RAB37: variants seen among roughly 807,000 people sequenced by gnomAD.
RAB37 encodes the protein ras-related protein Rab-37.
In RAB37, 29 loss-of-function variants were observed where a neutral mutation model predicts 33.1. The observed-to-expected ratio is 0.88, with a 90% CI of 0.65 to 1.20. RAB37 has a LOEUF of 1.20. Ranked by LOEUF, RAB37 falls within the 50% of genes most tolerant of loss-of-function variation. The pLI is 0.00. For missense variants in RAB37, 299 were observed against 301.1 expected (o/e 0.99, Z 0.05); for synonymous variants, 128 against 119.5 (o/e 1.07, Z -0.47).
At chr17:74,714,192 C>T (rs2034120223) in intron 1 of RAB37, among the ~76,000 whole-genome samples, 1 of 151,978 alleles carries the variant, frequency 6.6e-6, no homozygotes. Context: ...ACCTAGGCAA[C>T]AGAGCAAGAC....
chr17:74,714,201 A>C (rs1408394228), intron 1 of RAB37, among the ~76,000 whole-genome samples: 1 of 151,870 alleles, frequency 6.6e-6, no homozygotes, highest in African/African-American at 2.4e-5. Context: ...ACAGAGCAAG[A>C]CTCTGTCTCA....
chr17:74,721,099 G>A (rs1363024505), intron 1 of RAB37, among the ~76,000 whole-genome samples: 1 of 152,194 alleles, frequency 6.6e-6, no homozygotes, highest in African/African-American at 2.4e-5. Flanking sequence ...TCTGCCAAGA[G>A]CTTTTTATGG....
chr17:74,710,462 T>C (rs2033862989), intron 1 of RAB37, among the ~76,000 whole-genome samples: 1 of 152,122 alleles, frequency 6.6e-6, no homozygotes, highest in South Asian at 2.1e-4. Context: ...TGCTAATAAA[T>C]AGTTGGAAAG....
intron 1 of RAB37, among the ~76,000 whole-genome samples, chr17:74,699,947 C>T (rs910533621): frequency 6.6e-6 from 1 of 151,906 alleles, no homozygotes; most frequent in African/African-American, 2.4e-5. Flanking sequence ...TCAAGACCAG[C>T]CTGACCAACA....
upstream of RAB37, chr17:74,736,609 CT>C: frequency 6.5e-7 from 1 of 1,533,198 alleles, no homozygotes; most frequent in Non-Finnish European, 8.7e-7. Flanking sequence ...AAGCTCTCCC[CT>C]GGTGGGACAT....
rs754445936 is a variant in RAB37 at position 74,742,518 on chromosome 17, G to T, written c.246+223G>T. 4.0e-4 allele frequency among the ~76,000 whole-genome samples: 61 copies of T among 152,156 alleles called. No individual in the cohort carries two copies. Among genetic ancestry groups the T allele is most frequent in the Non-Finnish European group, 7.8e-4 (53 of 68,020 alleles). ...CTCCAAATGCCTTCAGACAAGCTTA[G>T]CCTCCATCCATCTCCTCCCCAGTTG... is the stretch of plus-strand genomic sequence containing the variant. On this transcript the variant is annotated intron_variant, in intron 3 of 8. Transcript: ENST00000392613. The surrounding 1 kb of genome is among the most constrained non-coding windows in gnomAD (Gnocchi z 4.0).
chr17:74,718,563 A>G (rs919583775), intron 1 of RAB37, among the ~76,000 whole-genome samples: 1 of 152,074 alleles, frequency 6.6e-6, no homozygotes, highest in African/African-American at 2.4e-5. Context: ...AATTGGCTAG[A>G]TGTATTTGGA....
chr17:74,727,671 G>A (rs1347169406), intron 1 of RAB37, among the ~76,000 whole-genome samples: 1 of 152,234 alleles, frequency 6.6e-6, no homozygotes, highest in Non-Finnish European at 1.5e-5. Flanking sequence ...GGATGCCCCT[G>A]TGGATGGAAG....
Position 74,745,569 on chromosome 17 carries a change from T to A in RAB37, c.*158T>A. 1 of 620,364 alleles carries A rather than the reference T, an allele frequency of 1.6e-6. No homozygotes were observed. Among genetic ancestry groups the A allele is most frequent in the South Asian group, 2.0e-5 (1 of 50,680 alleles). 38.4% of individuals were successfully genotyped at this position (620,364 alleles called of 1,614,324 possible). ...AGGGAGCTATACTCCAACTCCTACT[T>A]GAGTTCCTGCGGTCTCCCCGCATCC... On this transcript the variant is annotated 3_prime_UTR_variant, in exon 9 of 9. Coordinates refer to ENST00000392613, the MANE Select transcript of RAB37 (RefSeq NM_001006638.3). The surrounding 1 kb of genome is among the most constrained non-coding windows in gnomAD (Gnocchi z 4.5).
At position 74,745,044 on chromosome 17, in the gene RAB37, A is replaced by G. The variant is rs1227060514; in HGVS notation, c.526A>G (p.Thr176Ala). ...TCCCTTCCTGGAGACCAGCGCCAAG[A>G]CTGGCATGAATGTGGAGTTAGCCTT... ...GVPFLETSAK[T>A]GMNVELAFLA... Residue 176 changes from threonine (T) to alanine (A), a missense_variant, in exon 8 of 9, where the codon ACT (threonine) becomes GCT (alanine). By Grantham distance (58) the Thr-to-Ala change is moderately conservative. Transcript: ENST00000392613. This position sits in a 1 kb window ranked among gnomAD's most constrained non-coding sequence, Gnocchi z 4.5. The G allele has an allele frequency of 1.2e-6, 2 of 1,614,234 alleles. No homozygotes were observed. The highest frequency in any genetic ancestry group is 1.7e-5 in the Admixed American group (1 of 60,034).
intron 1 of RAB37, among the ~76,000 whole-genome samples, chr17:74,719,756 T>A (rs1056884826): frequency 9.9e-5 from 15 of 152,174 alleles, no homozygotes; most frequent in Non-Finnish European, 1.9e-4. Context: ...GCTCAAGTGA[T>A]CCTCCTGCCT....
rs886201376 is a variant in RAB37, at chr17:74,676,772, G to C, written c.72+5114G>C. Among the ~76,000 whole-genome samples, 1 of 152,118 alleles carries C rather than the reference G, an allele frequency of 6.6e-6. No individual in the cohort carries two copies. Among genetic ancestry groups the C allele is most frequent in the Non-Finnish European group, 1.5e-5 (1 of 68,044 alleles). On this transcript the variant is annotated intron_variant, in intron 1 of 7. Coordinates refer to the RAB37 transcript ENST00000340415. The surrounding 1 kb of genome is among the most constrained non-coding windows in gnomAD (Gnocchi z 4.1). The stretch of plus-strand genomic sequence containing the variant: ...TCCAGAAGTGTCCTAAGAAAGATAC[G>C]GGTAGCTGCAAGGGAGTGACCCAGG...
intron 1 of RAB37, among the ~76,000 whole-genome samples, chr17:74,726,476 G>A (rs929356364): frequency 2.6e-5 from 4 of 152,166 alleles, no homozygotes; most frequent in South Asian, 4.1e-4. Flanking sequence ...TTTAAGACAC[G>A]AATGAGGGGA....
chr17:74,735,018 G>GAAAGAAAGAAAGA (rs2034449471), upstream of RAB37, among the ~76,000 whole-genome samples: 13 of 82,296 alleles, frequency 1.6e-4, no homozygotes, highest in African/African-American at 4.4e-4. Context: ...AGGAAGGAAG[G>GAAAGAAAGAAAGA]AAGAAAGAAA....
At chr17:74,728,710 T>C (rs796262239) in intron 1 of RAB37, among the ~76,000 whole-genome samples, 1 of 152,114 alleles carries the variant, frequency 6.6e-6, no homozygotes, top group African/African-American at 2.4e-5. Flanking sequence ...TGTGTGTGCA[T>C]GTGTGTTCTG....
At chr17:74,717,115 AC>A (rs1421058295) in intron 1 of RAB37, among the ~76,000 whole-genome samples, 1 of 152,116 alleles carries the variant, frequency 6.6e-6, no homozygotes, top group Non-Finnish European at 1.5e-5. Flanking sequence ...AGCCTGGGCA[AC>A]GAGAGCGAAA....
At chr17:74,728,168 ATGTCTG>A (rs1023740390) in intron 1 of RAB37, among the ~76,000 whole-genome samples, 1 of 147,426 alleles carries the variant, frequency 6.8e-6, no homozygotes, top group African/African-American at 2.5e-5. Context: ...ACATGTGTCT[ATGTCTG>A]TGTATATGCA....
rs1020162321 is a variant in RAB37, at chr17:74,714,111, C to G, written c.73-15145C>G. 4.0e-5 allele frequency among the ~76,000 whole-genome samples: 6 copies of G among 151,668 alleles called. 1 individual carries two copies. Among genetic ancestry groups the G allele is most frequent in the African/African-American group, 1.5e-4 (6 of 41,224 alleles). On this transcript the variant is annotated intron_variant, in intron 1 of 7. Coordinates refer to the RAB37 transcript ENST00000340415. Reference sequence around the variant, plus strand: ...CTGTAATCCCAGTGACTCGGGAGGCCGAGGTAGGAGAATCACTTGAACCCA... The same window carrying G: ...CTGTAATCCCAGTGACTCGGGAGGCGGAGGTAGGAGAATCACTTGAACCCA...
chr17:74,699,401 A>G (rs2032828360), intron 1 of RAB37, among the ~76,000 whole-genome samples: 1 of 152,128 alleles, frequency 6.6e-6, no homozygotes, highest in African/African-American at 2.4e-5. Context: ...AGACCCGTGA[A>G]TGTGACCTAT....
Sources: allele counts gnomAD v4.1 joint callset (sites outside exome capture counted in the v4.1 genomes callset), GRCh38; gene constraint gnomAD v4.1.1; non-coding constraint Gnocchi (gnomAD v3.1); transcripts MANE v1.5; gene names NCBI Gene and HGNC (gene_info 2026-07-23, HGNC 2026-07-21).